The following SLC39A11 variants were observed in gnomAD, a reference collection of about 807,000 sequenced individuals.
The protein encoded by SLC39A11 is zinc transporter ZIP11.
A neutral mutation model predicts 36.1 loss-of-function variants in SLC39A11; 33 were observed. The observed-to-expected ratio is 0.91, with a 90% confidence interval of 0.69 to 1.22. The LOEUF is 1.22. SLC39A11 is among the 50% of genes most tolerant of loss of function. SLC39A11 has a pLI of 0.00. For synonymous variants in SLC39A11, 166 were observed against 170.3 expected, an observed-to-expected ratio of 0.97 and a Z score of 0.20; for missense variants, 432 against 430.3, an observed-to-expected ratio of 1.00 and a Z score of -0.03.
chr17:72,882,957 T>A (rs1409349525), intron 5 of SLC39A11, among the ~76,000 whole-genome samples: 1 of 151,896 alleles, frequency 6.6e-6, no homozygotes, highest in Non-Finnish European at 1.5e-5. Flanking sequence ...CCATGACACC[T>A]GGCTAATTTT....
chr17:73,037,566 G>T (rs1361240692), intron 3 of SLC39A11, among the ~76,000 whole-genome samples: 1 of 152,226 alleles, frequency 6.6e-6, no homozygotes, highest in Non-Finnish European at 1.5e-5. Context: ...GAGAACAAAA[G>T]TCCTTCTGCA....
chr17:72,830,236 C>T (rs1351701214), intron 6 of SLC39A11, among the ~76,000 whole-genome samples: 2 of 152,184 alleles, frequency 1.3e-5, no homozygotes, highest in Non-Finnish European at 2.9e-5. Flanking sequence ...CTGGATATCG[C>T]CCCCTCCAAT....
At chr17:72,768,003 G>A (rs1244703025) in intron 6 of SLC39A11, among the ~76,000 whole-genome samples, 1 of 152,158 alleles carries the variant, frequency 6.6e-6, no homozygotes, top group Non-Finnish European at 1.5e-5. Flanking sequence ...GGCTAGGCTT[G>A]CTGCTCATTG....
At chr17:72,654,937 C>T (rs1355132063) in intron 7 of SLC39A11, among the ~76,000 whole-genome samples, 1 of 152,194 alleles carries the variant, frequency 6.6e-6, no homozygotes, top group Admixed American at 6.5e-5. Context: ...TGTCTGGGAG[C>T]CACCATCCTG....
At chr17:73,060,167 G>A (rs555315883) in intron 3 of SLC39A11, among the ~76,000 whole-genome samples, 142 of 131,334 alleles carry the variant, frequency 1.1e-3, no homozygotes, top group African/African-American at 3.7e-3. Context: ...CCGAGATCAC[G>A]CCACTGCACT....
chr17:72,660,400 CATG>C (rs2070357528), intron 7 of SLC39A11, among the ~76,000 whole-genome samples: 1 of 152,378 alleles, frequency 6.6e-6, no homozygotes, highest in South Asian at 2.1e-4. Flanking sequence ...TCAACCACCT[CATG>C]AGCAGCTTTC....
At chr17:72,801,708 T>G (rs2077089925) in intron 6 of SLC39A11, among the ~76,000 whole-genome samples, 1 of 152,184 alleles carries the variant, frequency 6.6e-6, no homozygotes, top group African/African-American at 2.4e-5. Flanking sequence ...AAAGAAAAAT[T>G]TACTATGTAT....
Position 73,087,272 on chromosome 17 carries a change from C to G in SLC39A11, c.108+1385G>C, listed in dbSNP as rs1483599360. 2.0e-5 allele frequency among the ~76,000 whole-genome samples: 3 copies of G among 151,906 alleles called. No homozygotes were observed. In the South Asian group the frequency reaches 6.2e-4, roughly 32 times the overall value. On this transcript the variant is annotated intron_variant, in intron 2 of 9. Transcript: ENST00000255559. ...ATTTCCAGTCTCCAACCCATCAGCT[C>G]CCGGGGGCAGTGCAGCGCAGCAAGG...
At chr17:72,892,043 T>C (rs200898715) in intron 5 of SLC39A11, among the ~76,000 whole-genome samples, 6 of 147,416 alleles carry the variant, frequency 4.1e-5, no homozygotes, top group African/African-American at 1.0e-4. Context: ...CTATTTTTTT[T>C]CCCCAAGGAT....
At chr17:72,942,887 C>A (rs1295264810) in intron 5 of SLC39A11, among the ~76,000 whole-genome samples, 6 of 152,188 alleles carry the variant, frequency 3.9e-5, no homozygotes, top group African/African-American at 1.4e-4. Flanking sequence ...TGAAAACCCA[C>A]CTATTGGGTT....
chr17:72,856,605 G>T (rs1468106485), intron 5 of SLC39A11, among the ~76,000 whole-genome samples: 26 of 152,040 alleles, frequency 1.7e-4, no homozygotes, highest in Admixed American at 1.7e-3. Context: ...AGTATTACCT[G>T]CTTTCCTTAT....
At chr17:72,656,252 A>G (rs978996123) in intron 7 of SLC39A11, among the ~76,000 whole-genome samples, 1 of 152,162 alleles carries the variant, frequency 6.6e-6, no homozygotes, top group Admixed American at 6.6e-5. Flanking sequence ...CCCCAGCAGT[A>G]GCACAAAGAC....
rs145136275 is a variant in SLC39A11 at position 72,957,436 on chromosome 17, A to G, written c.307-9561T>C. Among the ~76,000 whole-genome samples, 10 of 152,354 alleles carry G rather than the reference A, an allele frequency of 6.6e-5. No individual in the cohort carries two copies. In the East Asian group the frequency reaches 9.6e-4, roughly 15 times the overall value. On this transcript the variant is annotated intron_variant, in intron 4 of 9. Coordinates refer to ENST00000255559, the MANE Select transcript of SLC39A11 (RefSeq NM_139177.4). Reference sequence around the variant, plus strand: ...GAAACAATTGCTTTAGCTTAAACCCACAAACTCAATCTCATTCACTTAAAA... The same window carrying G: ...GAAACAATTGCTTTAGCTTAAACCCGCAAACTCAATCTCATTCACTTAAAA...
intron 3 of SLC39A11, among the ~76,000 whole-genome samples, chr17:73,042,969 G>GT (rs1373548048): frequency 6.6e-6 from 1 of 152,184 alleles, no homozygotes; most frequent in African/African-American, 2.4e-5. Context: ...ACCCCAGGGG[G>GT]TTGCAAGAGA....
chr17:73,025,236 G>A (rs969658951), intron 4 of SLC39A11, among the ~76,000 whole-genome samples: 9 of 152,162 alleles, frequency 5.9e-5, no homozygotes, highest in African/African-American at 1.9e-4. Flanking sequence ...TCCACGTGGA[G>A]GAGACAGCCT....
intron 5 of SLC39A11, among the ~76,000 whole-genome samples, chr17:72,913,401 G>T (rs974770298): frequency 2.0e-5 from 3 of 152,148 alleles, no homozygotes; most frequent in African/African-American, 7.2e-5. Context: ...TGACTTCCTT[G>T]AAGGCAGGCA....
In SLC39A11 at chr17:72,652,757, G is replaced by A. The variant is rs74662680; in HGVS notation, c.672-3489C>T. On this transcript the variant is annotated intron_variant, in intron 7 of 9. Coordinates refer to ENST00000255559, the MANE Select transcript of SLC39A11 (RefSeq NM_139177.4). ...GCTCATCTATGCTTGAGTTTCCATC[G>A]GCACTCACTCATTTGCTCTTGTTGA... Among the ~76,000 whole-genome samples, 438 of 152,118 alleles carry A rather than the reference G, an allele frequency of 2.9e-3. 4 individuals carry two copies. Among genetic ancestry groups the A allele is most frequent in the South Asian group, 0.012 (58 of 4,808 alleles).
chr17:72,966,365 T>C (rs1211246440), intron 4 of SLC39A11, among the ~76,000 whole-genome samples: 3 of 152,298 alleles, frequency 2.0e-5, no homozygotes, highest in Non-Finnish European at 4.4e-5. Flanking sequence ...CTGTTGAGAA[T>C]TACTACCGCC....
intron 4 of SLC39A11, among the ~76,000 whole-genome samples, chr17:73,012,021 T>A (rs1360143937): frequency 4.1e-5 from 6 of 147,390 alleles, no homozygotes; most frequent in Non-Finnish European, 9.0e-5. Flanking sequence ...ACTCCTATAA[T>A]CCCAGCTCTT....
Sources: allele counts gnomAD v4.1 joint callset (sites outside exome capture counted in the v4.1 genomes callset), GRCh38; gene constraint gnomAD v4.1.1; transcripts MANE v1.5; gene names NCBI Gene and HGNC (gene_info 2026-07-23, HGNC 2026-07-21).